TMEM178B: variants seen among roughly 807,000 people sequenced by gnomAD.
TMEM178B encodes the protein transmembrane protein 178B.
Under a neutral mutation model 31.0 loss-of-function variants are expected in TMEM178B, and 5 were observed. That is an observed-to-expected ratio of 0.16 (90% CI 0.08 to 0.34). TMEM178B has a LOEUF of 0.34. Ranked by LOEUF, TMEM178B falls within the 10% of genes least tolerant of loss-of-function variation. TMEM178B has a pLI of 1.00. For synonymous variants in TMEM178B, 164 were observed against 164.0 expected, an observed-to-expected ratio of 1.00 and a Z score of 0.00; for missense variants, 275 against 400.3, an observed-to-expected ratio of 0.69 and a Z score of 2.67.
intron 2 of TMEM178B, among the ~76,000 whole-genome samples, chr7:141,375,042 A>T (rs997536647): frequency 6.6e-6 from 1 of 152,208 alleles, no homozygotes; most frequent in Non-Finnish European, 1.5e-5. Flanking sequence ...TCGTAATTTA[A>T]TGTATCCTTG....
chr7:141,225,575 T>C (rs914327228), intron 2 of TMEM178B, among the ~76,000 whole-genome samples: 2 of 152,192 alleles, frequency 1.3e-5, no homozygotes, highest in Middle Eastern at 3.2e-3. Context: ...TTCTAAATAA[T>C]TGCCTCAACA....
chr7:141,157,604 C>T (rs1344028908), intron 1 of TMEM178B, among the ~76,000 whole-genome samples: 1 of 152,154 alleles, frequency 6.6e-6, no homozygotes, highest in African/African-American at 2.4e-5. Flanking sequence ...AGCAGCCCGA[C>T]CCCAGGTCCT....
intron 2 of TMEM178B, among the ~76,000 whole-genome samples, chr7:141,325,286 T>A: frequency 6.6e-6 from 1 of 152,146 alleles, no homozygotes; most frequent in East Asian, 1.9e-4. Flanking sequence ...GAACTCTAAA[T>A]GGGGGCTGTA....
At chr7:141,488,486 C>A in the TMEM178B span, among the ~76,000 whole-genome samples, 1 of 152,012 alleles carries the variant, frequency 6.6e-6, no homozygotes, top group Non-Finnish European at 1.5e-5. Context: ...TGTCACCAGA[C>A]TGGAGTGCAG....
chr7:141,437,828 G>T, intron 3 of TMEM178B, 83 bp downstream of exon 3: 1 of 1,506,232 alleles, frequency 6.6e-7, no homozygotes, highest in Admixed American at 2.0e-5. Flanking sequence ...AGAGGGCACA[G>T]CAGAGGGGAC....
intron 1 of TMEM178B, among the ~76,000 whole-genome samples, chr7:141,209,813 G>A (rs192423214): frequency 7.8e-4 from 119 of 152,254 alleles, no homozygotes; most frequent in Admixed American, 1.4e-3. Flanking sequence ...CTCATCCTAA[G>A]GGAAAGAAAG....
intron 2 of TMEM178B, among the ~76,000 whole-genome samples, chr7:141,219,401 C>G (rs138869690): frequency 6.6e-6 from 1 of 152,194 alleles, no homozygotes; most frequent in African/African-American, 2.4e-5. Flanking sequence ...ACATTCGCAT[C>G]GGTGCTCAGC....
intron 2 of TMEM178B, among the ~76,000 whole-genome samples, chr7:141,276,599 CTGCCCCCATGCTT>C (rs770321234): frequency 0.15 from 22,759 of 152,014 alleles, 1,986 homozygotes; most frequent in African/African-American, 0.23. Context: ...ATGGGGGTAG[CTGCCCCCATGCTT>C]CAATTACCTC....
chr7:141,475,584 T>C lies in TMEM178B; in HGVS notation c.*4798T>C, dbSNP rs1802348553. 1 of 152,240 alleles carries C rather than the reference T, an allele frequency of 6.6e-6. No homozygotes were observed. Among genetic ancestry groups the C allele is most frequent in the Non-Finnish European group, 1.5e-5 (1 of 68,096 alleles). The allele number at this position is 152,240 out of a possible 1,614,324, so 9.4% of individuals were successfully genotyped here. On this transcript the variant is annotated 3_prime_UTR_variant, in exon 4 of 4. Coordinates refer to ENST00000565468, the MANE Select transcript of TMEM178B (RefSeq NM_001195278.2). ...GTCTCTGGGTTGGCAGCTGGGGCCA[T>C]GTGAGCAGTGTACACCACAGAACCG...
intron 1 of TMEM178B, among the ~76,000 whole-genome samples, chr7:141,193,210 G>T (rs1796725454): frequency 6.6e-6 from 1 of 152,176 alleles, no homozygotes; most frequent in Admixed American, 6.5e-5. Flanking sequence ...GAGTTCCCCT[G>T]AGAAGACTTC....
At chr7:141,499,464 C>CAAAAAAA in the TMEM178B span, among the ~76,000 whole-genome samples, 5 of 50,698 alleles carry the variant, frequency 9.9e-5, no homozygotes, top group African/African-American at 2.8e-4. Flanking sequence ...CACATCTCTA[C>CAAAAAAA]AAAAAAAAAA....
At chr7:141,349,681 A>G (rs10230392) in intron 2 of TMEM178B, among the ~76,000 whole-genome samples, 27,350 of 152,168 alleles carry the variant, frequency 0.18, 2,573 homozygotes, top group Admixed American at 0.23. Context: ...CAGCAGAATA[A>G]GGGGACAGGA....
chr7:141,170,646 C>T (rs986065166), intron 1 of TMEM178B, among the ~76,000 whole-genome samples: 2 of 152,274 alleles, frequency 1.3e-5, no homozygotes, highest in Admixed American at 1.3e-4. Flanking sequence ...AATGACCCTT[C>T]CCAGAATGGC....
rs1797071415 is a variant in TMEM178B at position 141,212,814 on chromosome 7, T to C, written c.496+110T>C. ...GGGATCTGTGGATGGTCTCAGAACA[T>C]TGAGATGGTTCCATAAAGTGCCAAT... On this transcript the variant is annotated intron_variant, in intron 2 of 3. Transcript: ENST00000565468. 11 of 841,004 alleles carry C rather than the reference T, an allele frequency of 1.3e-5. No individual in the cohort carries two copies. The East Asian group carries it at 2.7e-4, about 20-fold the overall frequency. 52.1% of individuals were successfully genotyped at this position (841,004 alleles called of 1,614,324 possible). A position where few individuals can be genotyped will look rare whatever the true frequency, so the allele number is the denominator to read the frequency against.
rs533830357 is a variant in TMEM178B, at chr7:141,469,866, T to TAAGGCC, written c.635-669_635-668insAGGCCA. Among the ~76,000 whole-genome samples, 248 of 152,360 alleles carry TAAGGCC rather than the reference T, an allele frequency of 1.6e-3. 2 individuals carry two copies. Among genetic ancestry groups the TAAGGCC allele is most frequent in the African/African-American group, 5.8e-3 (241 of 41,590 alleles). ...TCTGCATAAAGTAGGGTAGATGAGT[T>TAAGGCC]ACCTTAATATTAACGTGGATGATGC... On this transcript the variant is annotated intron_variant, in intron 3 of 3. Coordinates refer to ENST00000565468, the MANE Select transcript of TMEM178B (RefSeq NM_001195278.2).
intron 1 of TMEM178B, among the ~76,000 whole-genome samples, chr7:141,140,208 TCTGCCAAGGTCCTTC>T (rs1795748351): frequency 6.6e-6 from 1 of 152,218 alleles, no homozygotes; most frequent in Non-Finnish European, 1.5e-5. Flanking sequence ...ATTCCTCAGA[TCTGCCAAGGTCCTTC>T]CTGCCAGAGG....
chr7:141,088,551 A>G (rs1794825569), intron 1 of TMEM178B, among the ~76,000 whole-genome samples: 1 of 152,108 alleles, frequency 6.6e-6, no homozygotes, highest in Non-Finnish European at 1.5e-5. Flanking sequence ...GCTCATGACT[A>G]GTTGCACTGG....
At chr7:141,143,782 A>AT (rs1225063987) in intron 1 of TMEM178B, among the ~76,000 whole-genome samples, 1 of 151,216 alleles carries the variant, frequency 6.6e-6, no homozygotes, top group African/African-American at 2.5e-5. Flanking sequence ...TAGGAATAGC[A>AT]TTAAATCTAT....
the TMEM178B span, among the ~76,000 whole-genome samples, chr7:141,488,904 TC>T: frequency 6.6e-6 from 1 of 151,574 alleles, no homozygotes; most frequent in Non-Finnish European, 1.5e-5. Context: ...TTAATTTTTT[TC>T]CCCCGTTGGA....
Sources: allele counts gnomAD v4.1 joint callset (sites outside exome capture counted in the v4.1 genomes callset), GRCh38; gene constraint gnomAD v4.1.1; transcripts MANE v1.5; gene names NCBI Gene and HGNC (gene_info 2026-07-23, HGNC 2026-07-21).